Variants in TACC2 observed in about 807,000 individuals in gnomAD.
TACC2 encodes transforming acidic coiled-coil-containing protein 2.
A neutral mutation model predicts 227.3 loss-of-function variants in TACC2; 137 were observed. The observed-to-expected ratio is 0.60, with a 90% CI of 0.52 to 0.69. The LOEUF is 0.69. Ranked by LOEUF, TACC2 falls within the 30% of genes least tolerant of loss-of-function variation. The pLI is 0.00. For synonymous variants in TACC2, 1,523 were observed against 1,487.5 expected, an observed-to-expected ratio of 1.02 and a Z score of -0.55; for missense variants, 3,470 against 3,694.4, an observed-to-expected ratio of 0.94 and a Z score of 1.57.
rs1241713887 is a variant in TACC2 at position 122,224,665 on chromosome 10, T to C, written c.7547-61T>C. The C allele has an allele frequency of 2.7e-6, 4 of 1,508,898 alleles. No individual in the cohort carries two copies. In the South Asian group the frequency reaches 3.4e-5, roughly 13 times the overall value. The allele number at this position is 1,508,898 out of a possible 1,614,324, so 93.5% of individuals were successfully genotyped here. A position where few individuals can be genotyped will look rare whatever the true frequency, so the allele number is the denominator to read the frequency against. ...CCTGGCTCAGATCTTCCCATTTTTT[T>C]CCTCTGGCACTAACCTCACCTTTTG... On this transcript the variant is annotated intron_variant, in intron 11 of 22. Transcript: ENST00000369005.
chr10:122,217,430 C>A (rs372883879), intron 11 of TACC2, among the ~76,000 whole-genome samples: 2 of 135,466 alleles, frequency 1.5e-5, no homozygotes, highest in Admixed American at 8.1e-5. Flanking sequence ...CTTTTTCTTT[C>A]TTTTTTCTTT....
chr10:122,238,969 A>G (rs1035681330), intron 18 of TACC2, among the ~76,000 whole-genome samples: 1 of 152,026 alleles, frequency 6.6e-6, no homozygotes, highest in Non-Finnish European at 1.5e-5. Flanking sequence ...CACCATGTAT[A>G]GTGTACATAA....
chr10:122,041,441 C>CTTTT (rs537169387), intron 2 of TACC2, among the ~76,000 whole-genome samples: 21,788 of 140,002 alleles, frequency 0.16, 1,720 homozygotes, highest in East Asian at 0.18. Context: ...AGTTTCCTTT[C>CTTTT]TTTTTTTTTT....
chr10:122,030,626 G>C (rs1958821600), intron 2 of TACC2, among the ~76,000 whole-genome samples: 1 of 151,836 alleles, frequency 6.6e-6, no homozygotes, highest in African/African-American at 2.4e-5. Context: ...CATTCTCCTT[G>C]AGTGAGCAGA....
intron 7 of TACC2, among the ~76,000 whole-genome samples, chr10:122,154,178 A>G (rs756936458): frequency 4.6e-5 from 7 of 152,134 alleles, no homozygotes; most frequent in Non-Finnish European, 1.0e-4. Context: ...CCATTTCTCC[A>G]TTCATATGCT....
intron 3 of TACC2, chr10:122,051,866 C>T (rs547539422): frequency 2.1e-4 from 30 of 144,262 alleles, no homozygotes; most frequent in African/African-American, 7.3e-4. Flanking sequence ...GTGGCTTGGG[C>T]TATGTGGCTT....
chr10:122,004,842 T>G (rs1954863901), intron 1 of TACC2, among the ~76,000 whole-genome samples: 1 of 152,244 alleles, frequency 6.6e-6, no homozygotes, highest in Non-Finnish European at 1.5e-5. Context: ...GAAGAACATG[T>G]TGGGCACTTA....
intron 1 of TACC2, among the ~76,000 whole-genome samples, chr10:121,990,922 G>C (rs1953004017): frequency 6.6e-6 from 1 of 151,976 alleles, no homozygotes; most frequent in South Asian, 2.1e-4. Flanking sequence ...TGAGTAGCTG[G>C]GATTACAGGC....
intron 1 of TACC2, among the ~76,000 whole-genome samples, chr10:121,990,959 T>C (rs1415805499): frequency 6.6e-6 from 1 of 152,132 alleles, no homozygotes; most frequent in Non-Finnish European, 1.5e-5. Context: ...AGCTAATTTT[T>C]GTATTTTTAG....
rs556453697 is a variant in TACC2 at position 122,188,573 on chromosome 10, G to C, written c.5835-6467G>C. On this transcript the variant is annotated intron_variant, in intron 7 of 22. Coordinates refer to ENST00000369005, the MANE Select transcript of TACC2 (RefSeq NM_206862.4). ...CAAAGTGCTGGGATTACAGGCATGA[G>C]CCACGGTGCCTGACCATGCTTTAGT... is the stretch of plus-strand genomic sequence containing the variant. Among the ~76,000 whole-genome samples, 4 of 152,306 alleles carry C rather than the reference G, an allele frequency of 2.6e-5. 1 individual carries two copies. Among genetic ancestry groups the C allele is most frequent in the African/African-American group, 9.6e-5 (4 of 41,560 alleles).
In TACC2 at chr10:122,211,080, G is replaced by A. The variant is rs765839539; in HGVS notation, c.6655G>A (p.Gly2219Arg). ...AGAAGGGGTTGTCCCCCCGGCTTCT[G>A]GAGGTGGCAGAGTGCAGAACTCACC... ...SAEGVVPPAS[G>R]GGRVQNSPPV... Residue 2219 changes from glycine (G) to arginine (R), a missense_variant, in exon 9 of 23, where the codon GGA (glycine) becomes AGA (arginine). By Grantham distance (125) the Gly-to-Arg change is moderately radical (BLOSUM62 -2). Around this residue, in one of 10 missense-constraint regions of TACC2, gnomAD observed 593 missense variants for 636.6 expected, o/e 0.93. Transcript: ENST00000369005. 6.2e-7 allele frequency: 1 copy of A among 1,612,538 alleles called. No individual in the cohort carries two copies. The highest frequency in any genetic ancestry group is 8.5e-7 in the Non-Finnish European group (1 of 1,179,486).
intron 2 of TACC2, among the ~76,000 whole-genome samples, chr10:122,029,771 G>A (rs1453822756): frequency 2.6e-5 from 4 of 152,080 alleles, no homozygotes; most frequent in Non-Finnish European, 1.5e-5. Flanking sequence ...GGGCCACTAG[G>A]CATATTTTGG....
At position 122,182,612 on chromosome 10, in the gene TACC2, A is replaced by G. The variant is rs544388345; in HGVS notation, c.5835-12428A>G. Among the ~76,000 whole-genome samples, 6 of 152,326 alleles carry G rather than the reference A, an allele frequency of 3.9e-5. No individual in the cohort carries two copies. In the Middle Eastern group the frequency reaches 0.01, roughly 259 times the overall value. On this transcript the variant is annotated intron_variant, in intron 7 of 22. Coordinates refer to ENST00000369005, the MANE Select transcript of TACC2 (RefSeq NM_206862.4). Reference sequence around the variant, plus strand: ...CTAAGAGCCTTCAAATCCTTTCCCCATATTTGCAAGGTGTTGAAGTACCGC... The same window carrying G: ...CTAAGAGCCTTCAAATCCTTTCCCCGTATTTGCAAGGTGTTGAAGTACCGC...
Position 122,086,832 on chromosome 10 carries a change from G to A in TACC2, c.4332G>A (p.Arg1444=), listed in dbSNP as rs147103470. 3.1e-5 allele frequency: 50 copies of A among 1,613,936 alleles called. No individual in the cohort carries two copies. In the African/African-American group the frequency reaches 5.7e-4, roughly 18 times the overall value. ...GTGCAGTGGGTAAAGACCTCACCAG[G>A]CCATTGGGCCCAGAGAAGCTTCTAG... ...GRSAVGKDLT[R]PLGPEKLLDG... Residue 1444 remains arginine (R), a synonymous_variant, in exon 4 of 23, where the codon AGG becomes AGA. Transcript: ENST00000369005.
chr10:122,238,221 C>G lies in TACC2; in HGVS notation c.8348+184C>G, dbSNP rs546265957. 2.6e-5 allele frequency among the ~76,000 whole-genome samples: 4 copies of G among 152,272 alleles called. No homozygotes were observed. In the East Asian group the frequency reaches 7.7e-4, roughly 29 times the overall value. On this transcript the variant is annotated intron_variant, in intron 18 of 22. Coordinates refer to ENST00000369005, the MANE Select transcript of TACC2 (RefSeq NM_206862.4). Reference sequence around the variant, plus strand: ...ATTACTATTACTAAAATAGCATGCACATGAATTAAAGAATGCATTCAAATA... The same window carrying G: ...ATTACTATTACTAAAATAGCATGCAGATGAATTAAAGAATGCATTCAAATA...
intron 16 of TACC2, among the ~76,000 whole-genome samples, chr10:122,234,588 C>T (rs1029223522): frequency 6.6e-6 from 1 of 152,204 alleles, no homozygotes; most frequent in African/African-American, 2.4e-5. Flanking sequence ...CATGCAGATA[C>T]TCAGGCAGTA....
chr10:122,156,191 G>A lies in TACC2; in HGVS notation c.5834+12485G>A, dbSNP rs147774033. Among the ~76,000 whole-genome samples, 787 of 150,190 alleles carry A rather than the reference G, an allele frequency of 5.2e-3. 9 individuals are homozygous for A. The highest frequency in any genetic ancestry group is 0.018 in the African/African-American group (737 of 40,904). ...ACTCTGAAAAGAAATGAAAAATTAT[G>A]AAAATGATTTTATTTTAGATTTAAC... On this transcript the variant is annotated intron_variant, in intron 7 of 22. Transcript: ENST00000369005.
intron 8 of TACC2, among the ~76,000 whole-genome samples, chr10:122,197,517 C>T (rs1053387902): frequency 6.6e-5 from 10 of 152,192 alleles, no homozygotes; most frequent in African/African-American, 2.2e-4. Context: ...AAAACGAACA[C>T]GCACAACATC....
At chr10:122,052,886 C>T (rs139107395) in intron 3 of TACC2, among the ~76,000 whole-genome samples, 37 of 152,340 alleles carry the variant, frequency 2.4e-4, no homozygotes, top group African/African-American at 8.4e-4. Flanking sequence ...TCGCTCCTGA[C>T]GGAGCAGGGC....
Sources: gnomAD v4.1 joint callset for allele counts (sites outside exome capture counted in the v4.1 genomes callset) on GRCh38, gnomAD v4.1.1 for gene constraint, gnomAD v4.1.1 regional missense constraint, MANE v1.5 for transcripts, NCBI Gene and HGNC (gene_info 2026-07-23, HGNC 2026-07-21) for gene names.